The following ZNF385D variants were observed in gnomAD, a reference collection of about 807,000 sequenced individuals.
ZNF385D encodes zinc finger protein 659.
A neutral mutation model predicts 35.8 loss-of-function variants in ZNF385D; 15 were observed. The ratio of observed to expected loss-of-function variants is 0.42; its 90% CI spans 0.28 to 0.64. The LOEUF (loss-of-function observed/expected upper bound fraction) is 0.64, where lower values mean the gene tolerates loss of function less well. Ranked by LOEUF, ZNF385D falls within the 30% of genes least tolerant of loss-of-function variation. The pLI, the probability that ZNF385D is intolerant of heterozygous loss-of-function variation, is 0.23. For synonymous variants in ZNF385D, 212 were observed against 186.8 expected, an observed-to-expected ratio of 1.13 and a Z score of -1.10; for missense variants, 474 against 494.6, an observed-to-expected ratio of 0.96 and a Z score of 0.39.
intron 1 of ZNF385D, among the ~76,000 whole-genome samples, chr3:21,737,958 T>C (rs1333016196): frequency 6.6e-6 from 1 of 152,192 alleles, no homozygotes; most frequent in Non-Finnish European, 1.5e-5. Context: ...TCACTGTGAT[T>C]AGCGTTATGT....
intron 3 of ZNF385D, among the ~76,000 whole-genome samples, chr3:22,082,996 G>C (rs925487396): frequency 6.6e-6 from 1 of 152,182 alleles, no homozygotes; most frequent in Non-Finnish European, 1.5e-5. Context: ...CTGACTGTTA[G>C]AAGAAAAACT....
chr3:21,706,934 T>C (rs189568026), intron 1 of ZNF385D, among the ~76,000 whole-genome samples: 145 of 152,276 alleles, frequency 9.5e-4, no homozygotes, highest in Admixed American at 1.4e-3. Context: ...TCCTCCTTCT[T>C]CAAGTAGCTG....
chr3:21,508,238 T>G (rs1359152059), intron 4 of ZNF385D, among the ~76,000 whole-genome samples: 1 of 152,172 alleles, frequency 6.6e-6, no homozygotes, highest in East Asian at 1.9e-4. Flanking sequence ...CTGGCATGTT[T>G]ATGTTATCTT....
At chr3:22,018,632 G>C (rs1697028398) in intron 3 of ZNF385D, among the ~76,000 whole-genome samples, 1 of 151,910 alleles carries the variant, frequency 6.6e-6, no homozygotes, top group Admixed American at 6.6e-5. Context: ...GGGTTTGAGA[G>C]TATTTTATTA....
intron 2 of ZNF385D, among the ~76,000 whole-genome samples, chr3:22,206,834 A>AGGT (rs1248496097): frequency 1.3e-5 from 2 of 151,928 alleles, no homozygotes; most frequent in Non-Finnish European, 2.9e-5. Flanking sequence ...AACTTCAAAT[A>AGGT]TATAACCTGA....
At position 21,587,764 on chromosome 3, in the gene ZNF385D, C is replaced by A. The variant is rs978880070; in HGVS notation, c.166-23080G>T. Among the ~76,000 whole-genome samples the A allele has an allele frequency of 2.6e-5, 4 of 151,910 alleles. 1 individual carries two copies. Among genetic ancestry groups the A allele is most frequent in the Admixed American group, 6.6e-5 (1 of 15,256 alleles). On this transcript the variant is annotated intron_variant, in intron 2 of 7. Transcript: ENST00000281523. ...GTTAGAAGAAACAGGGCTACCATTC[C>A]TGGGAAAGCACTGATGTTTTCAGGG...
At position 21,820,705 on chromosome 3, in the gene ZNF385D, T is replaced by C. The variant is rs538925141; in HGVS notation, c.326-155677A>G. 7.3e-5 allele frequency among the ~76,000 whole-genome samples: 11 copies of C among 151,686 alleles called. No homozygotes were observed. In the South Asian group the frequency reaches 2.3e-3, roughly 31 times the overall value. On this transcript the variant is annotated intron_variant, in intron 3 of 5. Coordinates refer to the ZNF385D transcript ENST00000494108. ...TCGAAAGAAAAATAGAGGGACTGTA[T>C]AAATAAGTAATTTCAGGAATGAATA... is the stretch of plus-strand genomic sequence containing the variant.
At chr3:21,940,935 C>G (rs778223599) in intron 3 of ZNF385D, among the ~76,000 whole-genome samples, 2 of 152,242 alleles carry the variant, frequency 1.3e-5, no homozygotes, top group East Asian at 3.9e-4. Flanking sequence ...CATCCAAGTA[C>G]TTTTACATAA....
intron 3 of ZNF385D, among the ~76,000 whole-genome samples, chr3:21,790,853 T>C (rs560661491): frequency 4.1e-4 from 63 of 152,358 alleles, no homozygotes; most frequent in African/African-American, 1.4e-3. Context: ...TGTAAATTTA[T>C]AGAATGTGAA....
intron 1 of ZNF385D, among the ~76,000 whole-genome samples, chr3:21,733,151 T>C (rs1249775476): frequency 6.6e-6 from 1 of 152,214 alleles, no homozygotes. Flanking sequence ...AAAGACTTTT[T>C]CCATTATATT....
intron 2 of ZNF385D, among the ~76,000 whole-genome samples, chr3:21,585,029 A>G (rs1240446837): frequency 6.7e-6 from 1 of 148,842 alleles, no homozygotes; most frequent in Non-Finnish European, 1.5e-5. Context: ...TCTTTGTGCC[A>G]GTTTGAAATA....
intron 2 of ZNF385D, among the ~76,000 whole-genome samples, chr3:22,219,072 A>G (rs1698078287): frequency 6.6e-6 from 1 of 152,160 alleles, no homozygotes; most frequent in South Asian, 2.1e-4. Context: ...CAAATCAATT[A>G]ACATAGCTCA....
chr3:21,904,302 C>CAA lies in ZNF385D; in HGVS notation c.326-239276_326-239275dup, dbSNP rs548922115. Reference sequence around the variant, plus strand: ...CTGGTGACAGAGTGAGACTCCATCTCAAAAAAAAAAAAAAAAAAAAAGAAT... The same window carrying CAA: ...CTGGTGACAGAGTGAGACTCCATCTCAAAAAAAAAAAAAAAAAAAAAAAGAAT... On this transcript the variant is annotated intron_variant, in intron 3 of 5. Transcript: ENST00000494108. Among the ~76,000 whole-genome samples the CAA allele has an allele frequency of 4.8e-3, 378 of 78,878 alleles. 12 individuals are homozygous for CAA. Among genetic ancestry groups the CAA allele is most frequent in the Middle Eastern group, 0.026 (3 of 116 alleles). 51.7% of individuals were successfully genotyped at this position (78,878 alleles called of 152,430 possible). A position where few individuals can be genotyped will look rare whatever the true frequency, so the allele number is the denominator to read the frequency against.
intron 3 of ZNF385D, among the ~76,000 whole-genome samples, chr3:21,901,396 T>C (rs62236546): frequency 0.2 from 31,107 of 152,138 alleles, 3,246 homozygotes; most frequent in Middle Eastern, 0.3. Flanking sequence ...AGAATTAAAA[T>C]AAACTAAGAA....
intron 3 of ZNF385D, among the ~76,000 whole-genome samples, chr3:21,544,114 C>G (rs62236074): frequency 9.9e-5 from 15 of 152,214 alleles, no homozygotes; most frequent in Admixed American, 3.3e-4. Context: ...TGGTACCTTT[C>G]AGTTCACGTG....
At position 21,809,409 on chromosome 3, in the gene ZNF385D, G is replaced by A. The variant is rs577762975; in HGVS notation, c.326-144381C>T. On this transcript the variant is annotated intron_variant, in intron 3 of 5. Coordinates refer to the ZNF385D transcript ENST00000494108. The stretch of plus-strand genomic sequence containing the variant: ...AAAAATATATAATATTGTCTAATGC[G>A]GTTTTCAACATATGTAGGTAGCATC... Among the ~76,000 whole-genome samples the A allele has an allele frequency of 4.6e-5, 7 of 151,828 alleles. No homozygotes were observed. In the South Asian group the frequency reaches 1.0e-3, roughly 23 times the overall value.
chr3:22,312,984 A>G (rs530561774), intron 2 of ZNF385D, among the ~76,000 whole-genome samples: 1 of 150,834 alleles, frequency 6.6e-6, no homozygotes, highest in Admixed American at 6.6e-5. Flanking sequence ...TCACAATAGC[A>G]AAGACTTGGA....
intron 1 of ZNF385D, among the ~76,000 whole-genome samples, chr3:21,737,474 C>T (rs947115410): frequency 5.9e-5 from 9 of 151,848 alleles, no homozygotes; most frequent in Non-Finnish European, 7.4e-5. Flanking sequence ...TATACACACA[C>T]ACACACACAC....
intron 3 of ZNF385D, among the ~76,000 whole-genome samples, chr3:22,098,706 A>T (rs1378308994): frequency 6.6e-6 from 1 of 152,124 alleles, no homozygotes. Context: ...CATGATAAGT[A>T]AGCACATGAA....
Sources: gnomAD v4.1 joint callset for allele counts (sites outside exome capture counted in the v4.1 genomes callset) on GRCh38, gnomAD v4.1.1 for gene constraint, MANE v1.5 for transcripts, NCBI Gene and HGNC (gene_info 2026-07-23, HGNC 2026-07-21) for gene names.